GRM7: variants seen among roughly 807,000 people sequenced by gnomAD.
GRM7 encodes the protein metabotropic glutamate receptor 7.
In GRM7, 35 loss-of-function variants were observed where a neutral mutation model predicts 84.5. That is an observed-to-expected ratio of 0.41 (90% CI 0.32 to 0.55). GRM7 has a LOEUF of 0.55. Ranked by LOEUF, GRM7 falls within the 20% of genes least tolerant of loss-of-function variation. The pLI is 0.19. For synonymous variants in GRM7, 487 were observed against 455.1 expected (o/e 1.07, Z -0.89); for missense variants, 1,003 against 1,194.6 (o/e 0.84, Z 2.36).
intron 1 of GRM7, among the ~76,000 whole-genome samples, chr3:7,117,027 G>A (rs1421064344): frequency 6.6e-6 from 1 of 152,158 alleles, no homozygotes; most frequent in African/African-American, 2.4e-5. Context: ...GTGTATGAAA[G>A]TATTAGGAGT....
At chr3:7,704,107 A>G (rs1368190375) in intron 9 of GRM7, among the ~76,000 whole-genome samples, 2 of 152,238 alleles carry the variant, frequency 1.3e-5, no homozygotes, top group Non-Finnish European at 2.9e-5. Flanking sequence ...TAACATTGGT[A>G]AAGCACACTG....
At chr3:7,367,730 A>G (rs1432210418) in intron 4 of GRM7, among the ~76,000 whole-genome samples, 1 of 151,888 alleles carries the variant, frequency 6.6e-6, no homozygotes, top group East Asian at 1.9e-4. Context: ...GGAGAAAAAA[A>G]AAGGAAAAAC....
At chr3:7,683,824 G>C (rs1354599160) in intron 9 of GRM7, among the ~76,000 whole-genome samples, 3 of 152,100 alleles carry the variant, frequency 2.0e-5, no homozygotes, top group East Asian at 1.9e-4. Flanking sequence ...TACTGTATTG[G>C]ACAGTGTAGC....
chr3:7,057,197 G>C (rs576433323), intron 1 of GRM7, among the ~76,000 whole-genome samples: 1 of 151,824 alleles, frequency 6.6e-6, no homozygotes, highest in Non-Finnish European at 1.5e-5. Flanking sequence ...TTAACATATG[G>C]CTTGTTTCTG....
At chr3:7,097,263 G>A (rs1048104182) in intron 1 of GRM7, among the ~76,000 whole-genome samples, 6 of 152,090 alleles carry the variant, frequency 3.9e-5, no homozygotes, top group African/African-American at 1.4e-4. Context: ...ACATAGGCAT[G>A]TGTAAGAGGA....
At chr3:6,907,379 G>C (rs148024904) in intron 1 of GRM7, among the ~76,000 whole-genome samples, 1 of 152,174 alleles carries the variant, frequency 6.6e-6, no homozygotes, top group Non-Finnish European at 1.5e-5. Context: ...CCGTGGAGAC[G>C]TGATCATTAA....
At chr3:7,260,805 A>T (rs2124957771) in intron 2 of GRM7, among the ~76,000 whole-genome samples, 1 of 151,722 alleles carries the variant, frequency 6.6e-6, no homozygotes, top group Non-Finnish European at 1.5e-5. Flanking sequence ...TTCAGTTGTA[A>T]TGATAGGTTG....
intron 2 of GRM7, among the ~76,000 whole-genome samples, chr3:7,215,583 T>G (rs1028133049): frequency 4.6e-5 from 7 of 152,036 alleles, no homozygotes; most frequent in Non-Finnish European, 8.8e-5. Context: ...AAGAATGGCG[T>G]GAACCCGGGG....
At chr3:7,581,094 T>C (rs962820784) in intron 8 of GRM7, among the ~76,000 whole-genome samples, 9 of 152,196 alleles carry the variant, frequency 5.9e-5, no homozygotes, top group Non-Finnish European at 1.5e-5. Context: ...ATAATTATAA[T>C]GGTTTTATAG....
chr3:7,216,478 A>G (rs1696615593), intron 2 of GRM7, among the ~76,000 whole-genome samples: 1 of 152,216 alleles, frequency 6.6e-6, no homozygotes, highest in South Asian at 2.1e-4. Context: ...CTGATAACTG[A>G]ATATTTTAAT....
chr3:7,400,357 A>G (rs1457394701), intron 4 of GRM7, among the ~76,000 whole-genome samples: 4 of 152,182 alleles, frequency 2.6e-5, no homozygotes, highest in Non-Finnish European at 4.4e-5. Flanking sequence ...AAATGCAGCT[A>G]TTATCACAGT....
At chr3:7,050,947 T>C (rs1439858716) in intron 1 of GRM7, among the ~76,000 whole-genome samples, 6 of 151,904 alleles carry the variant, frequency 3.9e-5, no homozygotes, top group Admixed American at 1.3e-4. Context: ...TGGTTAAATA[T>C]GCTTACATTG....
chr3:7,043,648 T>C (rs1559402896), intron 1 of GRM7, among the ~76,000 whole-genome samples: 1 of 152,246 alleles, frequency 6.6e-6, no homozygotes, highest in Non-Finnish European at 1.5e-5. Context: ...AGAACAGTGC[T>C]CTGCCATGGA....
Position 7,666,497 on chromosome 3 carries a change from A to G in GRM7, c.2452-13552A>G, listed in dbSNP as rs562938518. 9.0e-4 allele frequency among the ~76,000 whole-genome samples: 137 copies of G among 152,332 alleles called. 2 individuals are homozygous for G. In the South Asian group the frequency reaches 0.026, roughly 29 times the overall value. ...GATCGTTCTGGTTGCTCCGTGCAGAATTATTTGGAGGGAGGCAAAAAATGG... is the reference window on the plus strand; with the variant it reads ...GATCGTTCTGGTTGCTCCGTGCAGAGTTATTTGGAGGGAGGCAAAAAATGG... On this transcript the variant is annotated intron_variant, in intron 8 of 9. Coordinates refer to ENST00000357716, the MANE Select transcript of GRM7 (RefSeq NM_000844.4).
chr3:7,351,842 T>C (rs1490989106), intron 4 of GRM7, among the ~76,000 whole-genome samples: 1 of 151,966 alleles, frequency 6.6e-6, no homozygotes, highest in Non-Finnish European at 1.5e-5. Flanking sequence ...AGCCTCAGAC[T>C]GAGGGCTGAG....
chr3:7,539,501 C>G (rs1446915980), intron 7 of GRM7, among the ~76,000 whole-genome samples: 1 of 151,756 alleles, frequency 6.6e-6, no homozygotes, highest in Non-Finnish European at 1.5e-5. Flanking sequence ...GATGGTGAAA[C>G]CCCGTCTCTA....
Position 7,185,881 on chromosome 3 carries a change from T to C in GRM7, c.736+39213T>C, listed in dbSNP as rs187472381. On this transcript the variant is annotated intron_variant, in intron 2 of 9. Coordinates refer to ENST00000357716, the MANE Select transcript of GRM7 (RefSeq NM_000844.4). ...AATCATGCCCAGGTTTAAATATCTG[T>C]GGTTACATCCATATACTTTACCCAG... 4.2e-3 allele frequency among the ~76,000 whole-genome samples: 641 copies of C among 152,336 alleles called. 10 individuals carry two copies. The highest frequency in any genetic ancestry group is 2.1e-3 in the Non-Finnish European group (143 of 68,036).
intron 8 of GRM7, among the ~76,000 whole-genome samples, chr3:7,646,479 G>A (rs949579745): frequency 7.9e-5 from 12 of 152,126 alleles, no homozygotes; most frequent in Non-Finnish European, 1.5e-4. Context: ...GACGTGAGCC[G>A]CCATGCCCCG....
rs58479974 is a variant in GRM7, at chr3:7,691,742, C to T, written c.2698+11447C>T. On this transcript the variant is annotated intron_variant, in intron 9 of 9. Coordinates refer to ENST00000357716, the MANE Select transcript of GRM7 (RefSeq NM_000844.4). ...ATGGCATGATCTCCGCTCACTGCAA[C>T]GTCTGCCTCCTGGGTTCAAGTGATT... 1.6e-3 allele frequency among the ~76,000 whole-genome samples: 245 copies of T among 152,294 alleles called. 3 individuals are homozygous for T. The East Asian group carries it at 0.039, about 24-fold the overall frequency.
Sources: gnomAD v4.1 joint callset for allele counts (sites outside exome capture counted in the v4.1 genomes callset) on GRCh38, gnomAD v4.1.1 for gene constraint, MANE v1.5 for transcripts, NCBI Gene and HGNC (gene_info 2026-07-23, HGNC 2026-07-21) for gene names.